TBC1D1: variants seen among roughly 807,000 people sequenced by gnomAD.
TBC1D1 encodes the protein TBC1 (tre-2/USP6, BUB2, cdc16) domain family, member 1.
Under a neutral mutation model 125.6 loss-of-function variants are expected in TBC1D1, and 89 were observed. The ratio of observed to expected loss-of-function variants is 0.71; its 90% CI spans 0.60 to 0.85. The LOEUF (loss-of-function observed/expected upper bound fraction) is 0.85, where lower values mean the gene tolerates loss of function less well. Ranked by LOEUF, TBC1D1 falls within the 40% of genes least tolerant of loss-of-function variation. The pLI is 0.00. For synonymous variants in TBC1D1, 565 were observed against 564.1 expected, an observed-to-expected ratio of 1.00 and a Z score of -0.02; for missense variants, 1,377 against 1,469.2, an observed-to-expected ratio of 0.94 and a Z score of 1.03.
chr4:37,926,268 A>G (rs1328091550), intron 2 of TBC1D1, among the ~76,000 whole-genome samples: 1 of 152,006 alleles, frequency 6.6e-6, no homozygotes, highest in East Asian at 1.9e-4. Context: ...GTGCCTCCAT[A>G]GGGTACTTTC....
chr4:37,900,013 C>T (rs573704707), intron 1 of TBC1D1, among the ~76,000 whole-genome samples: 1 of 151,526 alleles, frequency 6.6e-6, no homozygotes, highest in Non-Finnish European at 1.5e-5. Flanking sequence ...CCCAGCTACT[C>T]GGGAGGCTGA....
At chr4:37,994,317 G>A (rs1459157604) in intron 2 of TBC1D1, among the ~76,000 whole-genome samples, 1 of 152,140 alleles carries the variant, frequency 6.6e-6, no homozygotes, top group Non-Finnish European at 1.5e-5. Flanking sequence ...TTGAGACGAG[G>A]TCTTGCTCTG....
At chr4:37,963,973 A>G (rs1234695308) in intron 2 of TBC1D1, among the ~76,000 whole-genome samples, 1 of 152,148 alleles carries the variant, frequency 6.6e-6, no homozygotes, top group Non-Finnish European at 1.5e-5. Flanking sequence ...TGTAGCTTTC[A>G]TAGCACCCTC....
At position 38,116,555 on chromosome 4, in the gene TBC1D1, T is replaced by A. The variant is rs1319355567; in HGVS notation, c.2802+601T>A. ...CTATTTTCTGATTTTTCATAGCCTG[T>A]GAACTTTAGGAGAGGGAAGGGATCT... On this transcript the variant is annotated intron_variant, in intron 16 of 19. Coordinates refer to ENST00000261439, the MANE Select transcript of TBC1D1 (RefSeq NM_015173.4). Among the ~76,000 whole-genome samples the A allele has an allele frequency of 4.6e-5, 7 of 152,310 alleles. No individual in the cohort carries two copies. The South Asian group carries it at 1.2e-3, about 27-fold the overall frequency.
intron 2 of TBC1D1, among the ~76,000 whole-genome samples, chr4:38,000,377 C>T (rs1038700803): frequency 2.6e-5 from 4 of 152,048 alleles, no homozygotes; most frequent in African/African-American, 9.7e-5. Context: ...ATCCCTTATC[C>T]GAAATACTTA....
At chr4:37,921,269 G>C (rs1720922847) in intron 2 of TBC1D1, among the ~76,000 whole-genome samples, 2 of 151,626 alleles carry the variant, frequency 1.3e-5, no homozygotes, top group South Asian at 2.1e-4. Context: ...GGGCATAGAC[G>C]CCAGATTGCA....
intron 17 of TBC1D1, 91 bp from the exon 20 acceptor site, chr4:38,124,871 T>G (rs1764388949): frequency 2.7e-6 from 3 of 1,115,546 alleles, no homozygotes; most frequent in Non-Finnish European, 4.0e-6. Flanking sequence ...TCTCCCACAC[T>G]CCTGCTCTGT....
chr4:38,103,165 T>C lies in TBC1D1; in HGVS notation c.2557+8T>C. 2 of 1,601,984 alleles carry C rather than the reference T, an allele frequency of 1.2e-6. No individual in the cohort carries two copies. The highest frequency in any genetic ancestry group is 1.7e-6 in the Non-Finnish European group (2 of 1,175,172). On this transcript the variant is annotated splice_region_variant and intron_variant, in intron 15 of 19. Transcript: ENST00000261439. Reference sequence around the variant, plus strand: ...CGATTCTTATTGACCTTGGTAAGTCTGTGCCATCGATTGGAGATGACAATG... The same window carrying C: ...CGATTCTTATTGACCTTGGTAAGTCCGTGCCATCGATTGGAGATGACAATG...
intron 15 of TBC1D1, among the ~76,000 whole-genome samples, chr4:38,105,163 T>C (rs1761089099): frequency 6.6e-6 from 1 of 152,160 alleles, no homozygotes; most frequent in Non-Finnish European, 1.5e-5. Context: ...AAGCCCCCTG[T>C]AGCACCCCAC....
intron 2 of TBC1D1, among the ~76,000 whole-genome samples, chr4:37,903,888 A>G (rs1258226113): frequency 1.3e-5 from 2 of 152,200 alleles, no homozygotes; most frequent in African/African-American, 2.4e-5. Flanking sequence ...TTGTGAAATA[A>G]AGGCTAATAT....
intron 8 of TBC1D1, among the ~76,000 whole-genome samples, chr4:38,039,510 T>C (rs1747944298): frequency 6.6e-6 from 1 of 152,124 alleles, no homozygotes. Context: ...CATGTATTAG[T>C]AGTTTGTTGT....
At chr4:37,928,900 A>G (rs756522570) in intron 2 of TBC1D1, among the ~76,000 whole-genome samples, 1 of 152,240 alleles carries the variant, frequency 6.6e-6, no homozygotes, top group Non-Finnish European at 1.5e-5. Flanking sequence ...CCAAGGTCAT[A>G]TGAACCACAG....
chr4:38,131,208 T>C (rs1765532825), intron 18 of TBC1D1, among the ~76,000 whole-genome samples: 1 of 152,190 alleles, frequency 6.6e-6, no homozygotes, highest in African/African-American at 2.4e-5. Context: ...AGCCATTAAC[T>C]TAACACAGAA....
chr4:38,006,877 C>T (rs1740388974), intron 2 of TBC1D1: 1 of 501,948 alleles, frequency 2.0e-6, no homozygotes, highest in Admixed American at 2.0e-5. Flanking sequence ...CCTTAAAATC[C>T]TGATGCTCAT....
chr4:38,030,053 T>C (rs1346992887), intron 7 of TBC1D1, among the ~76,000 whole-genome samples: 1 of 152,228 alleles, frequency 6.6e-6, no homozygotes, highest in Admixed American at 6.5e-5. Flanking sequence ...CCTGTCACTT[T>C]AAGAAACCAT....
Position 38,117,692 on chromosome 4 carries a change from G to A in TBC1D1, c.2803-341G>A, listed in dbSNP as rs76634415. ...TCTAATTCCTCCAGGCTTGAGTTGT[G>A]CAAAGAGTATGTATTTGTAAGAGAA... On this transcript the variant is annotated intron_variant, in intron 16 of 19. Transcript: ENST00000261439. Among the ~76,000 whole-genome samples, 4 of 152,198 alleles carry A rather than the reference G, an allele frequency of 2.6e-5. No individual in the cohort carries two copies. In the East Asian group the frequency reaches 5.8e-4, roughly 22 times the overall value.
intron 12 of TBC1D1, among the ~76,000 whole-genome samples, chr4:38,088,288 G>T (rs1331650366): frequency 6.6e-6 from 1 of 152,152 alleles, no homozygotes; most frequent in Non-Finnish European, 1.5e-5. Flanking sequence ...GGGGGTGAAA[G>T]GATTTGTAAG....
intron 18 of TBC1D1, among the ~76,000 whole-genome samples, chr4:38,128,835 G>C (rs16994250): frequency 0.019 from 2,894 of 152,326 alleles, 41 homozygotes; most frequent in Admixed American, 0.034. Flanking sequence ...AAGAAGAATG[G>C]AAACTTTGGG....
At chr4:37,947,709 C>T (rs536925018) in intron 2 of TBC1D1, among the ~76,000 whole-genome samples, 8 of 152,218 alleles carry the variant, frequency 5.3e-5, no homozygotes, top group East Asian at 3.9e-4. Context: ...CTATAGAAGA[C>T]GCAAACTAAT....
Sources: allele counts gnomAD v4.1 joint callset (sites outside exome capture counted in the v4.1 genomes callset), GRCh38; gene constraint gnomAD v4.1.1; transcripts MANE v1.5; gene names NCBI Gene and HGNC (gene_info 2026-07-23, HGNC 2026-07-21).